Variants in DPYD observed in about 807,000 individuals in gnomAD.
DPYD encodes the protein dihydropyrimidine dehydrogenase.
A neutral mutation model predicts 116.2 loss-of-function variants in DPYD; 109 were observed. The observed-to-expected ratio is 0.94, with a 90% CI of 0.80 to 1.10. The LOEUF is 1.10. Ranked by LOEUF, DPYD falls within the 50% of genes least tolerant of loss-of-function variation. The probability of loss-of-function intolerance (pLI) is 0.00; values close to 1 mark genes in which losing one functional copy is unlikely to be tolerated. For missense variants in DPYD, 1,302 were observed against 1,254.5 expected (o/e 1.04, Z -0.57); for synonymous variants, 440 against 432.0 (o/e 1.02, Z -0.23).
intron 8 of DPYD, among the ~76,000 whole-genome samples, chr1:97,628,501 T>C (rs79561591): frequency 0.091 from 13,824 of 152,132 alleles, 769 homozygotes; most frequent in Middle Eastern, 0.14. Context: ...CCTGCTGTTT[T>C]AGGTCCTGCC....
At chr1:97,332,043 T>A (rs1352212834) in intron 16 of DPYD, among the ~76,000 whole-genome samples, 1 of 152,206 alleles carries the variant, frequency 6.6e-6, no homozygotes, top group Non-Finnish European at 1.5e-5. Context: ...CCATCTGAGA[T>A]GCTATTAGTT....
intron 1 of DPYD, among the ~76,000 whole-genome samples, chr1:97,918,645 A>G (rs1674349116): frequency 2.0e-5 from 3 of 152,192 alleles, no homozygotes; most frequent in Non-Finnish European, 4.4e-5. Context: ...ATATACCTCA[A>G]TAACTTTTCC....
At chr1:97,354,538 G>A (rs983763465) in intron 16 of DPYD, among the ~76,000 whole-genome samples, 3 of 152,100 alleles carry the variant, frequency 2.0e-5, no homozygotes, top group African/African-American at 7.2e-5. Context: ...TTCTGGACAA[G>A]GACAAACATA....
chr1:97,791,208 C>T (rs777926061), intron 3 of DPYD, among the ~76,000 whole-genome samples: 13 of 152,040 alleles, frequency 8.6e-5, no homozygotes, highest in Non-Finnish European at 1.0e-4. Context: ...ATTGTATTTC[C>T]GACCCCTTCC....
At chr1:97,287,537 G>T (rs893912115) in intron 18 of DPYD, among the ~76,000 whole-genome samples, 1 of 152,178 alleles carries the variant, frequency 6.6e-6, no homozygotes, top group Non-Finnish European at 1.5e-5. Context: ...CAGAGGTGGA[G>T]CCTACAGAGG....
chr1:97,613,271 T>TA (rs1656060775), intron 8 of DPYD, among the ~76,000 whole-genome samples: 1 of 152,064 alleles, frequency 6.6e-6, no homozygotes, highest in Non-Finnish European at 1.5e-5. Context: ...TGGTGGTTAA[T>TA]AGTCAATTGA....
At chr1:97,403,408 T>A (rs763454579) in intron 14 of DPYD, among the ~76,000 whole-genome samples, 8 of 152,104 alleles carry the variant, frequency 5.3e-5, no homozygotes, top group Non-Finnish European at 1.2e-4. Flanking sequence ...GAATTTTTCT[T>A]AAATGCTCAG....
At chr1:97,257,485 T>C (rs1663574615) in intron 18 of DPYD, among the ~76,000 whole-genome samples, 1 of 125,870 alleles carries the variant, frequency 7.9e-6, no homozygotes, top group Non-Finnish European at 1.6e-5. Context: ...AGCACGTGAG[T>C]TATGTAAATA....
At chr1:97,672,885 A>G (rs749256092) in intron 8 of DPYD, among the ~76,000 whole-genome samples, 10 of 152,236 alleles carry the variant, frequency 6.6e-5, no homozygotes, top group Admixed American at 1.3e-4. Flanking sequence ...CTGTTATAAT[A>G]TTTGGGAATC....
In DPYD at chr1:97,883,247, G is replaced by T. The variant is rs980030547; in HGVS notation, c.150+17C>A. ...GAGGTAATTTTCAGCATGAAATAGTGTATCAGTGGTACTTACAAAGCAGTT... is the reference window on the plus strand; with the variant it reads ...GAGGTAATTTTCAGCATGAAATAGTTTATCAGTGGTACTTACAAAGCAGTT... On this transcript the variant is annotated intron_variant, in intron 2 of 22. Transcript: ENST00000370192. 2 of 1,533,036 alleles carry T rather than the reference G, an allele frequency of 1.3e-6. No homozygotes were observed. Among genetic ancestry groups the T allele is most frequent in the South Asian group, 2.2e-5 (2 of 89,430 alleles). The allele number at this position is 1,533,036 out of a possible 1,614,324, so 95.0% of individuals were successfully genotyped here.
chr1:97,258,804 G>T (rs901219078), intron 18 of DPYD, among the ~76,000 whole-genome samples: 3 of 152,152 alleles, frequency 2.0e-5, no homozygotes, highest in African/African-American at 7.2e-5. Context: ...ATAAGGACCA[G>T]AAGGACAAGA....
At chr1:97,647,849 A>T (rs908670798) in intron 8 of DPYD, among the ~76,000 whole-genome samples, 5 of 152,164 alleles carry the variant, frequency 3.3e-5, no homozygotes, top group African/African-American at 1.2e-4. Flanking sequence ...TACTAAAATA[A>T]AAAGTTACTA....
intron 14 of DPYD, among the ~76,000 whole-genome samples, chr1:97,396,695 T>C (rs944202615): frequency 1.3e-5 from 2 of 152,056 alleles, no homozygotes; most frequent in African/African-American, 4.8e-5. Flanking sequence ...TATCTTGACA[T>C]ATCAAACTGA....
At chr1:97,250,870 T>G (rs902599477) in intron 18 of DPYD, among the ~76,000 whole-genome samples, 1 of 152,292 alleles carries the variant, frequency 6.6e-6, no homozygotes, top group Middle Eastern at 3.4e-3. Context: ...TGTGCATCAT[T>G]TTGAAAGCTA....
At chr1:97,699,623 A>G in intron 5 of DPYD, 76 bp from the exon 6 acceptor site, 1 of 1,434,548 alleles carries the variant, frequency 7.0e-7, no homozygotes, top group South Asian at 1.2e-5. Context: ...AATGTTTCAA[A>G]CGAATTCTTG....
At chr1:97,864,807 A>C (rs1270644163) in intron 2 of DPYD, among the ~76,000 whole-genome samples, 1 of 151,976 alleles carries the variant, frequency 6.6e-6, no homozygotes, top group Admixed American at 6.6e-5. Flanking sequence ...CTTTCATAAC[A>C]GCAGTTTCAC....
intron 8 of DPYD, among the ~76,000 whole-genome samples, chr1:97,597,263 T>A (rs1192657253): frequency 2.0e-5 from 3 of 152,208 alleles, no homozygotes; most frequent in Admixed American, 1.3e-4. Context: ...ACATAGGGCC[T>A]CAAGGTCCAC....
intron 16 of DPYD, among the ~76,000 whole-genome samples, chr1:97,312,270 T>G (rs939898941): frequency 1.3e-4 from 19 of 152,000 alleles, no homozygotes; most frequent in Non-Finnish European, 1.5e-5. Flanking sequence ...ATAATATCCC[T>G]CTTTGCTGAG....
intron 3 of DPYD, among the ~76,000 whole-genome samples, chr1:97,824,208 C>G (rs563533996): frequency 6.6e-6 from 1 of 152,248 alleles, no homozygotes; most frequent in Non-Finnish European, 1.5e-5. Context: ...CTTGTCTCCT[C>G]TATATCAAAT....
Sources: gnomAD v4.1 joint callset for allele counts (sites outside exome capture counted in the v4.1 genomes callset) on GRCh38, gnomAD v4.1.1 for gene constraint, MANE v1.5 for transcripts, NCBI Gene and HGNC (gene_info 2026-07-23, HGNC 2026-07-21) for gene names.